Variants in COL23A1 observed in about 807,000 individuals in gnomAD.
COL23A1 encodes the protein collagen alpha-1(XXIII) chain.
A neutral mutation model predicts 99.3 loss-of-function variants in COL23A1; 97 were observed. The ratio of observed to expected loss-of-function variants is 0.98; its 90% CI spans 0.83 to 1.16. The LOEUF is 1.16. Among genes scored for constraint, COL23A1 ranks in the 50% most tolerant of loss-of-function variants. The pLI is 0.00. For synonymous variants in COL23A1, 320 were observed against 308.2 expected (o/e 1.04, Z -0.40); for missense variants, 762 against 757.4 (o/e 1.01, Z -0.07).
Position 178,282,052 on chromosome 5 carries a change from C to CA in COL23A1, c.441+6271dup, listed in dbSNP as rs70994994. Among the ~76,000 whole-genome samples, 267 of 98,682 alleles carry CA rather than the reference C, an allele frequency of 2.7e-3. 5 individuals are homozygous for CA. The highest frequency in any genetic ancestry group is 0.016 in the East Asian group (64 of 3,972). The allele number at this position is 98,682 out of a possible 152,430, so 64.7% of individuals were successfully genotyped here. On this transcript the variant is annotated intron_variant, in intron 5 of 28. Transcript: ENST00000390654. ...GGGCGACAGAGCAAGACACTGTCTC[C>CA]AAAAAAAAAAAAAAAAGATGGGGTT...
chr5:178,246,094 C>A, intron 24 of COL23A1, 126 bp from the exon 25 acceptor site: 5 of 1,327,578 alleles, frequency 3.8e-6, no homozygotes, highest in African/African-American at 1.4e-5. Flanking sequence ...ACCACGCAGG[C>A]ATAGATGGAG....
intron 2 of COL23A1, among the ~76,000 whole-genome samples, chr5:178,506,960 TAA>T (rs751837286): frequency 5.7e-4 from 86 of 152,208 alleles, no homozygotes; most frequent in Non-Finnish European, 1.0e-3. Context: ...TTTTCAATAT[TAA>T]GAGATGATTT....
intron 2 of COL23A1, among the ~76,000 whole-genome samples, chr5:178,495,147 G>C: frequency 6.6e-6 from 1 of 152,226 alleles, no homozygotes; most frequent in African/African-American, 2.4e-5. Context: ...ACATCAGCCT[G>C]CCGCCAGGCA....
Position 178,589,632 on chromosome 5 carries a change from C to T in COL23A1, c.294+272G>A, listed in dbSNP as rs1764164971. ...GAGACTGACCCTAGGTCTGTTACTC[C>T]AAAGTCCCTGGTCTCTCCTTCCCCT... On this transcript the variant is annotated intron_variant, in intron 1 of 28. Coordinates refer to ENST00000390654, the MANE Select transcript of COL23A1 (RefSeq NM_173465.4). This position sits in a 1 kb window ranked among gnomAD's most constrained non-coding sequence, Gnocchi z 5.4. Among the ~76,000 whole-genome samples the T allele has an allele frequency of 6.6e-6, 1 of 152,198 alleles. No individual in the cohort carries two copies. Among genetic ancestry groups the T allele is most frequent in the Non-Finnish European group, 1.5e-5 (1 of 68,026 alleles).
At chr5:178,386,418 G>A (rs192102701) in intron 2 of COL23A1, among the ~76,000 whole-genome samples, 2 of 149,224 alleles carry the variant, frequency 1.3e-5, no homozygotes, top group Non-Finnish European at 3.0e-5. Flanking sequence ...CAGCTTGGCA[G>A]AGAGAGCGAG....
chr5:178,581,318 C>T (rs1581678904), intron 1 of COL23A1, among the ~76,000 whole-genome samples: 1 of 152,192 alleles, frequency 6.6e-6, no homozygotes, highest in South Asian at 2.1e-4. Context: ...GTAATCCCAG[C>T]ACTTTGGGAG....
chr5:178,568,980 A>T (rs1762961952), intron 1 of COL23A1, among the ~76,000 whole-genome samples: 1 of 152,118 alleles, frequency 6.6e-6, no homozygotes, highest in East Asian at 1.9e-4. Context: ...TTTCACATTT[A>T]ATTTTTTGAG....
At chr5:178,347,900 C>CA (rs759088286) in intron 2 of COL23A1, among the ~76,000 whole-genome samples, 1 of 143,488 alleles carries the variant, frequency 7.0e-6, no homozygotes, top group Non-Finnish European at 1.5e-5. Flanking sequence ...AAAAAAAACC[C>CA]AAAAAAACAA....
rs541476316 is a variant in COL23A1 at position 178,262,433 on chromosome 5, C to A, written c.640-181G>T. 1.4e-4 allele frequency among the ~76,000 whole-genome samples: 21 copies of A among 152,298 alleles called. 1 individual carries two copies. The South Asian group carries it at 3.7e-3, about 27-fold the overall frequency. On this transcript the variant is annotated intron_variant, in intron 9 of 28. Coordinates refer to ENST00000390654, the MANE Select transcript of COL23A1 (RefSeq NM_173465.4). ...AGATGAGAATGTTAGGCTGGGGAAGCCACTGGCCCGGTGTGACAAGTAATG... is the reference window on the plus strand; with the variant it reads ...AGATGAGAATGTTAGGCTGGGGAAGACACTGGCCCGGTGTGACAAGTAATG...
At chr5:178,555,758 G>A (rs899496436) in intron 2 of COL23A1, among the ~76,000 whole-genome samples, 6 of 152,214 alleles carry the variant, frequency 3.9e-5, no homozygotes, top group Non-Finnish European at 7.3e-5. Context: ...CAGGTTCCCA[G>A]GCTCCAAGGT....
intron 2 of COL23A1, among the ~76,000 whole-genome samples, chr5:178,349,562 C>T (rs960866750): frequency 1.1e-4 from 15 of 141,376 alleles, no homozygotes; most frequent in African/African-American, 3.1e-4. Flanking sequence ...CCACGCCTGG[C>T]CTCCCGTGCC....
At position 178,516,932 on chromosome 5, in the gene COL23A1, G is replaced by A. The variant is rs933783790; in HGVS notation, c.361+43750C>T. ...TAGCTGGTGGGAGCGGGCTTCCTGC[G>A]CAGAAAGCTGCAATATCTGTGGCTT... On this transcript the variant is annotated intron_variant, in intron 2 of 28. Coordinates refer to ENST00000390654, the MANE Select transcript of COL23A1 (RefSeq NM_173465.4). Among the ~76,000 whole-genome samples the A allele has an allele frequency of 5.3e-5, 8 of 152,168 alleles. 1 individual carries two copies. The South Asian group carries it at 6.2e-4, about 12-fold the overall frequency.
At chr5:178,372,807 C>CT (rs1382265789) in intron 2 of COL23A1, among the ~76,000 whole-genome samples, 1 of 152,200 alleles carries the variant, frequency 6.6e-6, no homozygotes, top group Non-Finnish European at 1.5e-5. Flanking sequence ...AACTCTTGGG[C>CT]TTAAGTGATC....
chr5:178,512,581 CT>C (rs1224700709), intron 2 of COL23A1, among the ~76,000 whole-genome samples: 6 of 152,194 alleles, frequency 3.9e-5, no homozygotes, highest in Admixed American at 3.9e-4. Context: ...GTCAGCAGCC[CT>C]GCTCAGATTC....
chr5:178,566,647 C>T (rs1762855480), intron 1 of COL23A1, among the ~76,000 whole-genome samples: 1 of 152,072 alleles, frequency 6.6e-6, no homozygotes, highest in African/African-American at 2.4e-5. Flanking sequence ...GAAATCCCCT[C>T]TCTACTAAAA....
intron 2 of COL23A1, among the ~76,000 whole-genome samples, chr5:178,464,558 T>C (rs1184560017): frequency 6.6e-6 from 1 of 152,224 alleles, no homozygotes; most frequent in Non-Finnish European, 1.5e-5. Context: ...ACGTTGCTAT[T>C]CGTAAGGTCC....
rs140487433 is a variant in COL23A1, at chr5:178,296,651, C to T, written c.407-6282G>A. ...GGGTGTGTGGTGTGTCTGAATCACC[C>T]GGCTGGTGAGGCGGTAGTCCAGCCA... is the stretch of plus-strand genomic sequence containing the variant. On this transcript the variant is annotated intron_variant, in intron 3 of 28. Coordinates refer to ENST00000390654, the MANE Select transcript of COL23A1 (RefSeq NM_173465.4). 4.8e-3 allele frequency among the ~76,000 whole-genome samples: 734 copies of T among 152,146 alleles called. 5 individuals are homozygous for T. The highest frequency in any genetic ancestry group is 0.016 in the African/African-American group (684 of 41,502).
At chr5:178,380,350 T>C (rs908534665) in intron 2 of COL23A1, among the ~76,000 whole-genome samples, 3 of 151,980 alleles carry the variant, frequency 2.0e-5, no homozygotes, top group Admixed American at 6.6e-5. Context: ...GACACTCCAG[T>C]GCAGCCACGT....
chr5:178,425,175 C>T lies in COL23A1; in HGVS notation c.362-118256G>A, dbSNP rs1765844898. Among the ~76,000 whole-genome samples the T allele has an allele frequency of 3.3e-5, 5 of 152,180 alleles. 1 individual carries two copies. In the South Asian group the frequency reaches 6.2e-4, roughly 19 times the overall value. ...TGGTGGCTCATGCCTGTAATCCCAG[C>T]ACTTTGGGAGGCTGAGGCAGGCAGA... On this transcript the variant is annotated intron_variant, in intron 2 of 28. Transcript: ENST00000390654.
Sources: gnomAD v4.1 joint callset for allele counts (sites outside exome capture counted in the v4.1 genomes callset) on GRCh38, gnomAD v4.1.1 for gene constraint, Gnocchi (gnomAD v3.1) non-coding constraint, MANE v1.5 for transcripts, NCBI Gene and HGNC (gene_info 2026-07-23, HGNC 2026-07-21) for gene names.